The following NCOA7 variants were observed in gnomAD, a reference collection of about 807,000 sequenced individuals.
NCOA7 encodes the protein 140 kDa estrogen receptor-associated protein.
In NCOA7, 45 loss-of-function variants were observed where a neutral mutation model predicts 104.3. The ratio of observed to expected loss-of-function variants is 0.43; its 90% CI spans 0.34 to 0.55. The LOEUF (loss-of-function observed/expected upper bound fraction) is 0.55. Among genes scored for constraint, NCOA7 ranks in the 20% least tolerant of loss-of-function variants. The pLI is 0.02. For missense variants in NCOA7, 1,041 were observed against 1,119.7 expected (o/e 0.93, Z 1.00); for synonymous variants, 398 against 402.3 (o/e 0.99, Z 0.13).
At chr6:125,896,015 TATATA>T (rs1562154919) in intron 10 of NCOA7, among the ~76,000 whole-genome samples, 5 of 147,766 alleles carry the variant, frequency 3.4e-5, no homozygotes, top group Non-Finnish European at 7.4e-5. Flanking sequence ...ATATATAAAA[TATATA>T]TATATTATAT....
rs545629640 is a variant in NCOA7 at position 125,923,034 on chromosome 6, A to T, written c.2523+200A>T. ...AATCATTATGGCATTTCACCCCTAC[A>T]TATTTCAGGATCATCTCCAAAATGC... On this transcript the variant is annotated intron_variant, in intron 13 of 15. Coordinates refer to ENST00000392477, the MANE Select transcript of NCOA7 (RefSeq NM_181782.5). Among the ~76,000 whole-genome samples, 12 of 152,280 alleles carry T rather than the reference A, an allele frequency of 7.9e-5. No individual in the cohort carries two copies. The South Asian group carries it at 2.5e-3, about 32-fold the overall frequency.
chr6:125,847,723 C>G (rs1282254617), intron 2 of NCOA7, among the ~76,000 whole-genome samples: 2 of 152,142 alleles, frequency 1.3e-5, no homozygotes, highest in African/African-American at 2.4e-5. Flanking sequence ...CTAGGCAATG[C>G]CATTCAGGAC....
In NCOA7 at chr6:125,889,621, A is replaced by G. The variant is rs1784487144; in HGVS notation, c.1567A>G (p.Ile523Val). The change falls in exon 9 of 16, where the codon ATT becomes GTT. Residue 523 changes from isoleucine to valine, a missense_variant. This residue lies in a region of NCOA7 where 914 missense variants were observed against 942.7 expected (regional missense o/e 0.97). Transcript: ENST00000392477. ...IHEDLDKVKL[I>V]EYYLTKNKEG... ...TGAAGATTTAGATAAAGTTAAACTC[A>G]TTGAATATTACCTGACTAAGAACAA... 1 of 1,613,030 alleles carries G rather than the reference A, an allele frequency of 6.2e-7. No homozygotes were observed. Among genetic ancestry groups the G allele is most frequent in the East Asian group, 2.2e-5 (1 of 44,854 alleles).
intron 10 of NCOA7, among the ~76,000 whole-genome samples, chr6:125,910,229 G>A (rs1786402541): frequency 6.6e-6 from 1 of 152,162 alleles, no homozygotes. Flanking sequence ...TAGTAACACT[G>A]AGGCCTGGCT....
intron 2 of NCOA7, among the ~76,000 whole-genome samples, chr6:125,850,706 G>A (rs1260737674): frequency 4.6e-5 from 7 of 152,186 alleles, no homozygotes; most frequent in Non-Finnish European, 8.8e-5. Context: ...ATTAGTATTT[G>A]ACATCTCTTT....
intron 7 of NCOA7, 59 bp from the exon 8 acceptor site, chr6:125,885,100 G>A (rs1223634658): frequency 2.5e-6 from 4 of 1,568,684 alleles, no homozygotes; most frequent in Non-Finnish European, 3.5e-6. Flanking sequence ...AAAGCTCTGT[G>A]GTAGTTGCTG....
intron 10 of NCOA7, chr6:125,913,710 G>A: frequency 1.1e-6 from 1 of 937,812 alleles, no homozygotes; most frequent in Non-Finnish European, 1.3e-6. Flanking sequence ...CTGTACTGTG[G>A]GGGAAAAGAC....
chr6:125,923,485 G>C (rs140235443), intron 13 of NCOA7, among the ~76,000 whole-genome samples: 1 of 152,144 alleles, frequency 6.6e-6, no homozygotes, highest in Admixed American at 6.5e-5. Flanking sequence ...GAATGGGAGT[G>C]GAATCTGTCC....
intron 1 of NCOA7, among the ~76,000 whole-genome samples, chr6:125,803,895 C>T (rs896199045): frequency 2.0e-5 from 3 of 152,122 alleles, no homozygotes; most frequent in Admixed American, 1.3e-4. Context: ...AAGTAGCCCC[C>T]AACAAATAGT....
intron 2 of NCOA7, among the ~76,000 whole-genome samples, chr6:125,827,531 A>G (rs1778769694): frequency 6.6e-6 from 1 of 152,190 alleles, no homozygotes; most frequent in East Asian, 1.9e-4. Flanking sequence ...CAAAAGTAGT[A>G]TCCACTTTAG....
Position 125,927,759 on chromosome 6 carries a change from G to A in NCOA7, c.2619+1G>A. On this transcript the variant is annotated splice_donor_variant, in intron 14 of 15. Transcript: ENST00000392477. LOFTEE classifies it high-confidence loss of function. ...CTACACATTCAGCCCTCATTTTAAG[G>A]TACCTAGATAGGAGAAATATCCAAC... The A allele has an allele frequency of 1.2e-6, 2 of 1,608,808 alleles. No homozygotes were observed. The highest frequency in any genetic ancestry group is 1.7e-6 in the Non-Finnish European group (2 of 1,175,176).
chr6:125,813,532 A>G (rs1483995910), intron 1 of NCOA7, among the ~76,000 whole-genome samples: 3 of 150,200 alleles, frequency 2.0e-5, no homozygotes, highest in East Asian at 2.0e-4. Context: ...GCTCACTGCA[A>G]CCTCCGCCTC....
In NCOA7 at chr6:125,826,246, G is replaced by C. The variant is rs371984249; in HGVS notation, c.50+10842G>C. On this transcript the variant is annotated intron_variant, in intron 2 of 15. Transcript: ENST00000392477. ...GGAGGCTGAGGCAGGAGAATTGCTT[G>C]AACCTGGGAGGCAGAGGTTGCAGTG... is the stretch of plus-strand genomic sequence containing the variant. Among the ~76,000 whole-genome samples, 4 of 151,818 alleles carry C rather than the reference G, an allele frequency of 2.6e-5. No homozygotes were observed. The East Asian group carries it at 5.8e-4, about 22-fold the overall frequency.
chr6:125,915,984 CA>C (rs1488777419), intron 11 of NCOA7, among the ~76,000 whole-genome samples: 1 of 152,134 alleles, frequency 6.6e-6, no homozygotes, highest in Non-Finnish European at 1.5e-5. Context: ...AAGTGCCATA[CA>C]AAAACAGGTG....
chr6:125,815,258 A>T, intron 1 of NCOA7, 33 bp from the exon 2 acceptor site: 1 of 833,496 alleles, frequency 1.2e-6, no homozygotes, highest in Non-Finnish European at 1.9e-6. Context: ...TAAACTTTTA[A>T]GTTTACAGTT....
chr6:125,915,486 C>T lies in NCOA7; in HGVS notation c.2244+6C>T. The T allele has an allele frequency of 6.2e-7, 1 of 1,613,580 alleles. No homozygotes were observed. The highest frequency in any genetic ancestry group is 8.5e-7 in the Non-Finnish European group (1 of 1,179,598). On this transcript the variant is annotated splice_donor_region_variant and intron_variant, in intron 11 of 15. Coordinates refer to ENST00000392477, the MANE Select transcript of NCOA7 (RefSeq NM_181782.5). ...CAACAACCAAGAGCTGGGAGGTGAGCACTTGGGCAGGGTTAGACCGTCGTA... is the reference window on the plus strand; with the variant it reads ...CAACAACCAAGAGCTGGGAGGTGAGTACTTGGGCAGGGTTAGACCGTCGTA...
At chr6:125,799,634 G>T (rs1183853053) in intron 1 of NCOA7, among the ~76,000 whole-genome samples, 1 of 151,986 alleles carries the variant, frequency 6.6e-6, no homozygotes, top group Non-Finnish European at 1.5e-5. Context: ...TAGAGACGGG[G>T]TTTCACCTGG....
chr6:125,878,447 T>G, intron 5 of NCOA7, 77 bp downstream of exon 5: 2 of 902,892 alleles, frequency 2.2e-6, no homozygotes, highest in Non-Finnish European at 3.4e-6. Context: ...GCCTCACTAT[T>G]GTTTGTCACA....
rs750270959 is a variant in NCOA7, at chr6:125,874,948, C to T, written c.331C>T (p.His111Tyr). ...KEKKMVVQKP[H>Y]GTMEYTAGNQ... ...GAAGAAGATGGTGGTTCAGAAGCCC[C>T]ATGGGACTATGGAATACACTGTGAG... Residue 111 changes from histidine (H) to tyrosine (Y), a missense_variant, in exon 4 of 16, where the codon CAT becomes TAT. This residue lies in a region of NCOA7 where 914 missense variants were observed against 942.7 expected (regional missense o/e 0.97). Transcript: ENST00000392477. The T allele has an allele frequency of 1.2e-6, 2 of 1,613,356 alleles. No homozygotes were observed. Among genetic ancestry groups the T allele is most frequent in the Middle Eastern group, 1.7e-4 (1 of 6,058 alleles).
Sources: gnomAD v4.1 joint callset for allele counts (sites outside exome capture counted in the v4.1 genomes callset) on GRCh38, gnomAD v4.1.1 for gene constraint, gnomAD v4.1.1 regional missense constraint, MANE v1.5 for transcripts, NCBI Gene and HGNC (gene_info 2026-07-23, HGNC 2026-07-21) for gene names.